The following AGO3 variants were observed in gnomAD, a reference collection of about 807,000 sequenced individuals.
The protein encoded by AGO3 is argonaute RISC catalytic component 3.
Under a neutral mutation model 105.5 loss-of-function variants are expected in AGO3, and 16 were observed. That is an observed-to-expected ratio of 0.15 (90% CI 0.10 to 0.23). The LOEUF (loss-of-function observed/expected upper bound fraction) is 0.23, where lower values mean the gene tolerates loss of function less well. Ranked by LOEUF, AGO3 falls within the 10% of genes least tolerant of loss-of-function variation. The pLI is 1.00. For synonymous variants in AGO3, 340 were observed against 367.3 expected (o/e 0.93, Z 0.85); for missense variants, 534 against 1,088.0 (o/e 0.49, Z 7.16).
chr1:35,980,930 T>C (rs1450939881), intron 5 of AGO3, among the ~76,000 whole-genome samples: 1 of 152,210 alleles, frequency 6.6e-6, no homozygotes, highest in Non-Finnish European at 1.5e-5. Flanking sequence ...CCTTTGGTGT[T>C]GTATATTTTT....
In AGO3 at chr1:36,060,657, TA is replaced by T. The variant is rs1305498450; in HGVS notation, c.*4915del. ...TCATTCAGTATCATTAAACCTGAGTTAAATGTTTGCTTAGCTTATCCTCTTA... is the reference window on the plus strand; with the variant it reads ...TCATTCAGTATCATTAAACCTGAGTTAATGTTTGCTTAGCTTATCCTCTTA... On this transcript the variant is annotated 3_prime_UTR_variant, in exon 19 of 19. Transcript: ENST00000373191. 6.6e-6 allele frequency: 1 copy of T among 152,246 alleles called. No homozygotes were observed. The highest frequency in any genetic ancestry group is 1.5e-5 in the Non-Finnish European group (1 of 68,052). 9.4% of individuals were successfully genotyped at this position (152,246 alleles called of 1,614,324 possible).
chr1:36,028,399 C>CG (rs1228398535), intron 12 of AGO3, among the ~76,000 whole-genome samples: 1 of 111,202 alleles, frequency 9.0e-6, no homozygotes, highest in African/African-American at 3.4e-5. Context: ...CCTCCCCCCC[C>CG]CCCACCCCAC....
rs1215979461 is a variant in AGO3 at position 35,969,476 on chromosome 1, C to A, written c.312+2401C>A. On this transcript the variant is annotated intron_variant, in intron 3 of 18. Transcript: ENST00000373191. ...ATGTAGAAGTGGTGATTTTCTAATT[C>A]TGTCATTCATTCTCCGTATGTTCAT... Among the ~76,000 whole-genome samples, 2 of 152,100 alleles carry A rather than the reference C, an allele frequency of 1.3e-5. 1 individual carries two copies. The highest frequency in any genetic ancestry group is 4.8e-5 in the African/African-American group (2 of 41,416).
At chr1:35,933,146 A>G (rs1003563707) in intron 1 of AGO3, among the ~76,000 whole-genome samples, 2 of 152,194 alleles carry the variant, frequency 1.3e-5, no homozygotes, top group South Asian at 2.1e-4. Flanking sequence ...TAGATTATCA[A>G]CTATATGCCT....
chr1:35,938,742 G>A (rs1356635810), intron 1 of AGO3, among the ~76,000 whole-genome samples: 4 of 152,088 alleles, frequency 2.6e-5, no homozygotes, highest in Non-Finnish European at 5.9e-5. Flanking sequence ...TAGAATTATT[G>A]AAACAGTATT....
In AGO3 at chr1:36,058,330, C is replaced by T. The variant is rs1359149448; in HGVS notation, c.*2585C>T. On this transcript the variant is annotated 3_prime_UTR_variant, in exon 19 of 19. Transcript: ENST00000373191. Reference sequence around the variant, plus strand: ...TGTTTTACAAAACTTTTATTGATTACACTTTAAGGTATTAAAAAGTACTAT... The same window carrying T: ...TGTTTTACAAAACTTTTATTGATTATACTTTAAGGTATTAAAAAGTACTAT... 1 of 152,094 alleles carries T rather than the reference C, an allele frequency of 6.6e-6. No individual in the cohort carries two copies. The highest frequency in any genetic ancestry group is 1.5e-5 in the Non-Finnish European group (1 of 68,028). The allele number at this position is 152,094 out of a possible 1,614,324, so 9.4% of individuals were successfully genotyped here.
intron 11 of AGO3, among the ~76,000 whole-genome samples, chr1:36,019,262 G>A (rs1330945293): frequency 6.6e-6 from 1 of 152,152 alleles, no homozygotes; most frequent in Non-Finnish European, 1.5e-5. Flanking sequence ...GATACAGAAG[G>A]TTCTGTTATT....
intron 5 of AGO3, among the ~76,000 whole-genome samples, chr1:35,974,820 T>C (rs1646927733): frequency 6.6e-6 from 1 of 152,170 alleles, no homozygotes; most frequent in African/African-American, 2.4e-5. Context: ...TATTGAAAAT[T>C]AGTAAATGTT....
intron 1 of AGO3, among the ~76,000 whole-genome samples, chr1:35,939,811 A>G (rs904014515): frequency 3.9e-5 from 6 of 152,112 alleles, no homozygotes; most frequent in East Asian, 1.9e-4. Flanking sequence ...AATAAACTCT[A>G]TTGTACCCAC....
intron 3 of AGO3, among the ~76,000 whole-genome samples, chr1:35,970,788 G>A (rs1646853295): frequency 6.6e-6 from 1 of 151,216 alleles, no homozygotes; most frequent in Non-Finnish European, 1.5e-5. Flanking sequence ...GGAGTTCATT[G>A]GCACACTCAC....
chr1:35,995,205 A>T (rs1648175133), intron 5 of AGO3, among the ~76,000 whole-genome samples: 2 of 112,668 alleles, frequency 1.8e-5, no homozygotes, highest in Admixed American at 9.4e-5. Flanking sequence ...TGTCTAAAAA[A>T]AAAAATATAT....
At chr1:35,972,856 ATT>A (rs1165696072) in intron 4 of AGO3, among the ~76,000 whole-genome samples, 16 of 122,874 alleles carry the variant, frequency 1.3e-4, no homozygotes, top group Admixed American at 1.9e-4. Flanking sequence ...TTAAAAAAAA[ATT>A]TTTTTTTTTT....
rs575728189 is a variant in AGO3 at position 36,069,058 on chromosome 1, G to C, written c.*13313G>C. ...ATCTCTGTGTGCCTAGTTTCCCCTT[G>C]TAAATAAGAGTGGTAATACCTGTCC... On this transcript the variant is annotated 3_prime_UTR_variant, in exon 19 of 19. Transcript: ENST00000373191. 1 of 152,184 alleles carries C rather than the reference G, an allele frequency of 6.6e-6. No homozygotes were observed. Among genetic ancestry groups the C allele is most frequent in the Non-Finnish European group, 1.5e-5 (1 of 68,038 alleles). The allele number at this position is 152,184 out of a possible 1,614,324, so 9.4% of individuals were successfully genotyped here. A position where few individuals can be genotyped will look rare whatever the true frequency, so the allele number is the denominator to read the frequency against.
chr1:35,973,567 G>T, intron 5 of AGO3, 56 bp downstream of exon 5: 1 of 1,365,662 alleles, frequency 7.3e-7, no homozygotes, highest in Non-Finnish European at 9.6e-7. Context: ...TATGATGTGT[G>T]TACATAAATT....
At chr1:35,930,767 G>A (rs1469992723), upstream of AGO3, 3 of 156,248 alleles carry the variant, frequency 1.9e-5, no homozygotes, top group Non-Finnish European at 4.2e-5. Flanking sequence ...GGCCTCCGCG[G>A]CAGTTCGGGG....
rs560136896 is a variant in AGO3 at position 36,025,554 on chromosome 1, A to G, written c.1407-1560A>G. 2.0e-4 allele frequency among the ~76,000 whole-genome samples: 31 copies of G among 152,308 alleles called. 1 individual carries two copies. The highest frequency in any genetic ancestry group is 7.0e-4 in the African/African-American group (29 of 41,564). ...TTGTTAGGCTAAGTGAAAATACTCA[A>G]TTTCATACTTCTTTAATTAAGCACC... On this transcript the variant is annotated intron_variant, in intron 11 of 18. Coordinates refer to ENST00000373191, the MANE Select transcript of AGO3 (RefSeq NM_024852.4).
At chr1:35,956,603 G>C (rs1485781309) in intron 2 of AGO3, among the ~76,000 whole-genome samples, 1 of 151,532 alleles carries the variant, frequency 6.6e-6, no homozygotes, top group East Asian at 1.9e-4. Context: ...CTATTTCAGA[G>C]AAGGCAAGGT....
rs576976036 is a variant in AGO3, at chr1:36,006,143, A to G, written c.793+1668A>G. ...TTTTAAAGAAGGCTCTTTAAAGTAC[A>G]TCATGTATTCCTACTACAGTAACCC... is the stretch of plus-strand genomic sequence containing the variant. On this transcript the variant is annotated intron_variant, in intron 6 of 18. Coordinates refer to ENST00000373191, the MANE Select transcript of AGO3 (RefSeq NM_024852.4). Among the ~76,000 whole-genome samples, 3 of 151,746 alleles carry G rather than the reference A, an allele frequency of 2.0e-5. No homozygotes were observed. The South Asian group carries it at 6.2e-4, about 31-fold the overall frequency.
chr1:35,950,847 A>G (rs1646458324), intron 2 of AGO3, among the ~76,000 whole-genome samples: 1 of 152,240 alleles, frequency 6.6e-6, no homozygotes, highest in Non-Finnish European at 1.5e-5. Flanking sequence ...GAATAGATAC[A>G]TGTTAAAAAT....
Sources: gnomAD v4.1 joint callset for allele counts (sites outside exome capture counted in the v4.1 genomes callset) on GRCh38, gnomAD v4.1.1 for gene constraint, MANE v1.5 for transcripts, NCBI Gene and HGNC (gene_info 2026-07-23, HGNC 2026-07-21) for gene names.